KDM1B: variants seen among roughly 807,000 people sequenced by gnomAD.
KDM1B encodes the protein lysine-specific histone demethylase 2.
Under a neutral mutation model 107.4 loss-of-function variants are expected in KDM1B, and 63 were observed. That is an observed-to-expected ratio of 0.59 (90% CI 0.48 to 0.72). The LOEUF is 0.72. Among genes scored for constraint, KDM1B ranks in the 30% least tolerant of loss-of-function variants. The pLI is 0.00. For missense variants in KDM1B, 749 were observed against 1,020.8 expected (o/e 0.73, Z 3.63); for synonymous variants, 363 against 363.9 (o/e 1.00, Z 0.03).
At chr6:18,168,016 T>C (rs759433897) in intron 6 of KDM1B, among the ~76,000 whole-genome samples, 1 of 152,190 alleles carries the variant, frequency 6.6e-6, no homozygotes, top group Non-Finnish European at 1.5e-5. Flanking sequence ...CACTTCAGCC[T>C]CTCAAAGTGT....
Position 18,211,479 on chromosome 6 carries a change from G to T in KDM1B, c.1867-1009G>T, listed in dbSNP as rs919774002. On this transcript the variant is annotated intron_variant, in intron 17 of 21. Transcript: ENST00000650836. The surrounding 1 kb of genome is among the most constrained non-coding windows in gnomAD (Gnocchi z 5.2). The stretch of plus-strand genomic sequence containing the variant: ...CTTTCGCTTCCCTTCTGCTGCCTCT[G>T]TTGAGAGCACACAATGCTGGAGGTG... 6.6e-6 allele frequency: 1 copy of T among 152,252 alleles called. No individual in the cohort carries two copies. The highest frequency in any genetic ancestry group is 1.5e-5 in the Non-Finnish European group (1 of 68,068). 9.4% of individuals were successfully genotyped at this position (152,252 alleles called of 1,614,324 possible). A position where few individuals can be genotyped will look rare whatever the true frequency, so the allele number is the denominator to read the frequency against.
intron 5 of KDM1B, among the ~76,000 whole-genome samples, chr6:18,165,572 C>T (rs866600998): frequency 6.6e-6 from 1 of 152,124 alleles, no homozygotes; most frequent in Admixed American, 6.5e-5. Context: ...CCTATAATCC[C>T]AGCACTTTGG....
intron 15 of KDM1B, among the ~76,000 whole-genome samples, chr6:18,206,151 CTTT>C (rs70974712): frequency 1.4e-5 from 2 of 143,854 alleles, no homozygotes; most frequent in Admixed American, 7.0e-5. Context: ...GTTTTTTAAA[CTTT>C]TTTTTTTTTT....
rs990775126 is a variant in KDM1B, at chr6:18,208,121, T to C, written c.1792-11T>C. On this transcript the variant is annotated splice_polypyrimidine_tract_variant and intron_variant, in intron 16 of 21. Coordinates refer to ENST00000650836, the MANE Select transcript of KDM1B (RefSeq NM_001364614.2). ...ATCCCTCACTTTTTTTCATAATTGCTTTTTGAGCAGGTGCAGTGTATTGAT... is the reference window on the plus strand; with the variant it reads ...ATCCCTCACTTTTTTTCATAATTGCCTTTTGAGCAGGTGCAGTGTATTGAT... The C allele has an allele frequency of 1.1e-5, 17 of 1,609,228 alleles. No individual in the cohort carries two copies. The highest frequency in any genetic ancestry group is 1.7e-5 in the Admixed American group (1 of 59,866).
chr6:18,189,081 G>A (rs1475277741), intron 9 of KDM1B, among the ~76,000 whole-genome samples: 1 of 152,064 alleles, frequency 6.6e-6, no homozygotes, highest in African/African-American at 2.4e-5. Flanking sequence ...AGTGCACCCG[G>A]CCTGATTATT....
chr6:18,165,432 C>G lies in KDM1B; in HGVS notation c.306-835C>G, dbSNP rs140417221. On this transcript the variant is annotated intron_variant, in intron 5 of 21. Transcript: ENST00000650836. ...GGCGTGAGCCACCGTACCCCGCCGC[C>G]TTCTCTGATTTTAATTGAGCATTTT... Among the ~76,000 whole-genome samples the G allele has an allele frequency of 6.0e-3, 912 of 152,250 alleles. 7 individuals carry two copies. The highest frequency in any genetic ancestry group is 0.021 in the African/African-American group (859 of 41,558).
rs1282582648 is a variant in KDM1B at position 18,159,279 on chromosome 6, T to C, written c.-13-604T>C. 6.6e-6 allele frequency among the ~76,000 whole-genome samples: 1 copy of C among 152,152 alleles called. No individual in the cohort carries two copies. The highest frequency in any genetic ancestry group is 1.5e-5 in the Non-Finnish European group (1 of 68,030). ...CTGTGCCCAGCCATGAGTTTTCTTT[T>C]TAAAGTGTAATAAGAGATCAAAGTG... On this transcript the variant is annotated intron_variant, in intron 2 of 21. Transcript: ENST00000650836. This position sits in a 1 kb window ranked among gnomAD's most constrained non-coding sequence, Gnocchi z 4.5.
intron 21 of KDM1B, among the ~76,000 whole-genome samples, chr6:18,219,038 G>T (rs1281457062): frequency 6.6e-6 from 1 of 152,054 alleles, no homozygotes; most frequent in Non-Finnish European, 1.5e-5. Flanking sequence ...GAATAGCTGG[G>T]ACCACAGGCG....
At chr6:18,165,809 G>A (rs955678893) in intron 5 of KDM1B, among the ~76,000 whole-genome samples, 2 of 152,178 alleles carry the variant, frequency 1.3e-5, no homozygotes, top group African/African-American at 4.8e-5. Flanking sequence ...GTGACAGAGT[G>A]AGACTCCATC....
At position 18,169,231 on chromosome 6, in the gene KDM1B, TA is replaced by T. The variant is rs201368109; in HGVS notation, c.418-2129del. Among the ~76,000 whole-genome samples, 114 of 147,404 alleles carry T rather than the reference TA, an allele frequency of 7.7e-4. 5 individuals carry two copies. The highest frequency in any genetic ancestry group is 1.2e-3 in the Admixed American group (18 of 14,744). ...TTGAGTTGTAAGAATTATATATATA[TA>T]AATTTTTTTTTTTTTTTTGAGATGG... is the stretch of plus-strand genomic sequence containing the variant. On this transcript the variant is annotated intron_variant, in intron 6 of 21. Coordinates refer to ENST00000650836, the MANE Select transcript of KDM1B (RefSeq NM_001364614.2).
chr6:18,177,284 T>C (rs113696859), intron 7 of KDM1B, among the ~76,000 whole-genome samples: 3,221 of 152,236 alleles, frequency 0.021, 114 homozygotes, highest in African/African-American at 0.073. Flanking sequence ...GAATGATCTT[T>C]TGTATTTCAG....
intron 7 of KDM1B, among the ~76,000 whole-genome samples, chr6:18,178,470 G>A (rs925056167): frequency 1.3e-4 from 19 of 151,828 alleles, no homozygotes; most frequent in African/African-American, 4.6e-4. Flanking sequence ...TCGGCTCACT[G>A]CAACCTCCGC....
At chr6:18,185,984 G>A (rs1786826309) in intron 8 of KDM1B, among the ~76,000 whole-genome samples, 174 bp downstream of exon 8, 1 of 152,110 alleles carries the variant, frequency 6.6e-6, no homozygotes, top group African/African-American at 2.4e-5. Flanking sequence ...TGATATTATG[G>A]GTAGTCCTGT....
In KDM1B at chr6:18,166,254, T is replaced by C; in HGVS notation, c.306-13T>C. 8.0e-7 allele frequency: 1 copy of C among 1,249,428 alleles called. No homozygotes were observed. The allele number at this position is 1,249,428 out of a possible 1,614,324, so 77.4% of individuals were successfully genotyped here. Reference sequence around the variant, plus strand: ...ATATATTAATCGATATATTAATTTTTCTTGTTTTTCAGCCATAAGGATGGA... The same window carrying C: ...ATATATTAATCGATATATTAATTTTCCTTGTTTTTCAGCCATAAGGATGGA... On this transcript the variant is annotated splice_polypyrimidine_tract_variant and intron_variant, in intron 5 of 21. Coordinates refer to ENST00000650836, the MANE Select transcript of KDM1B (RefSeq NM_001364614.2).
chr6:18,170,756 A>G (rs1330843273), intron 6 of KDM1B, among the ~76,000 whole-genome samples: 1 of 152,098 alleles, frequency 6.6e-6, no homozygotes, highest in South Asian at 2.1e-4. Context: ...CTGAGATTAC[A>G]GGTGTGAGCC....
Position 18,222,311 on chromosome 6 carries a change from T to G in KDM1B, c.*319T>G, listed in dbSNP as rs986790888. On this transcript the variant is annotated 3_prime_UTR_variant, in exon 22 of 22. Transcript: ENST00000650836. ...TCCATGGCTGGAAGTTCCCTTTAGATTTCACATTTTATATGGCTGATCAAT... is the reference window on the plus strand; with the variant it reads ...TCCATGGCTGGAAGTTCCCTTTAGAGTTCACATTTTATATGGCTGATCAAT... 7 of 411,748 alleles carry G rather than the reference T, an allele frequency of 1.7e-5. No individual in the cohort carries two copies. The highest frequency in any genetic ancestry group is 3.2e-5 in the Non-Finnish European group (7 of 216,624). The allele number at this position is 411,748 out of a possible 1,614,324, so 25.5% of individuals were successfully genotyped here. A position where few individuals can be genotyped will look rare whatever the true frequency, so the allele number is the denominator to read the frequency against.
At position 18,222,645 on chromosome 6, in the gene KDM1B, T is replaced by C. The variant is rs183532031; in HGVS notation, c.*653T>C. 75 of 161,070 alleles carry C rather than the reference T, an allele frequency of 4.7e-4. No individual in the cohort carries two copies. Among genetic ancestry groups the C allele is most frequent in the African/African-American group, 1.5e-3 (63 of 41,598 alleles). 10.0% of individuals were successfully genotyped at this position (161,070 alleles called of 1,614,324 possible). ...AAAATGTTTTAGATTTGTGCACCCA[T>C]TGGCAAAACAGGAAAGTTTCCAGAT... On this transcript the variant is annotated 3_prime_UTR_variant, in exon 22 of 22. Transcript: ENST00000650836.
At chr6:18,221,873 A>G (rs775975897) in intron 21 of KDM1B, 36 bp from the exon 22 acceptor site, 7 of 1,437,970 alleles carry the variant, frequency 4.9e-6, no homozygotes, top group Non-Finnish European at 6.7e-6. Flanking sequence ...ACTCAACTCT[A>G]TGCATGATCT....
rs764905508 is a variant in KDM1B, at chr6:18,212,981, G to A, written c.1983+377G>A. Among the ~76,000 whole-genome samples the A allele has an allele frequency of 1.3e-5, 2 of 152,174 alleles. No individual in the cohort carries two copies. Among genetic ancestry groups the A allele is most frequent in the African/African-American group, 4.8e-5 (2 of 41,438 alleles). On this transcript the variant is annotated intron_variant, in intron 18 of 21. Transcript: ENST00000650836. The surrounding 1 kb of genome is among the most constrained non-coding windows in gnomAD (Gnocchi z 5.2). ...TTTAATATCTCCTGTAGCAGAATGG[G>A]CCAGTGCTGCAGCAGATTCTGACAG... is the stretch of plus-strand genomic sequence containing the variant.
Sources: gnomAD v4.1 joint callset for allele counts (sites outside exome capture counted in the v4.1 genomes callset) on GRCh38, gnomAD v4.1.1 for gene constraint, Gnocchi (gnomAD v3.1) non-coding constraint, MANE v1.5 for transcripts, NCBI Gene and HGNC (gene_info 2026-07-23, HGNC 2026-07-21) for gene names.